AP3B1: variants seen among roughly 807,000 people sequenced by gnomAD.
The protein encoded by AP3B1 is AP-3 complex subunit beta-1.
Under a neutral mutation model 132.5 loss-of-function variants are expected in AP3B1, and 61 were observed. The observed-to-expected ratio is 0.46, with a 90% CI of 0.37 to 0.57. The LOEUF is 0.57. Ranked by LOEUF, AP3B1 falls within the 20% of genes least tolerant of loss-of-function variation. The pLI is 0.00. For missense variants in AP3B1, 1,120 were observed against 1,289.4 expected (o/e 0.87, Z 2.01); for synonymous variants, 388 against 438.3 (o/e 0.89, Z 1.43).
intron 7 of AP3B1, among the ~76,000 whole-genome samples, chr5:78,213,849 A>G (rs1745852203): frequency 6.6e-6 from 1 of 152,240 alleles, no homozygotes; most frequent in Non-Finnish European, 1.5e-5. Context: ...TAAATCTTCT[A>G]TTTAAAGTGG....
At chr5:78,192,803 C>T (rs1744898758) in intron 7 of AP3B1, among the ~76,000 whole-genome samples, 1 of 152,074 alleles carries the variant, frequency 6.6e-6, no homozygotes, top group African/African-American at 2.4e-5. Context: ...GCCTTTTTTC[C>T]ATCATGTGAA....
At chr5:78,104,812 G>A (rs61341156) in intron 20 of AP3B1, among the ~76,000 whole-genome samples, 6,564 of 152,168 alleles carry the variant, frequency 0.043, 469 homozygotes, top group African/African-American at 0.15. Flanking sequence ...GATCGTTAGA[G>A]CACCTAAGAG....
intron 24 of AP3B1, among the ~76,000 whole-genome samples, chr5:78,024,617 T>A (rs1256824938): frequency 1.4e-5 from 2 of 144,050 alleles, no homozygotes; most frequent in African/African-American, 5.2e-5. Flanking sequence ...CAGGCTGGAG[T>A]GCAGTGGTGC....
At chr5:78,281,637 G>A (rs568820938) in intron 1 of AP3B1, among the ~76,000 whole-genome samples, 1 of 152,052 alleles carries the variant, frequency 6.6e-6, no homozygotes, top group Non-Finnish European at 1.5e-5. Flanking sequence ...TACTAAGAAT[G>A]CTAAGAAAAA....
At chr5:78,202,218 C>T (rs988960493) in intron 7 of AP3B1, among the ~76,000 whole-genome samples, 9 of 152,282 alleles carry the variant, frequency 5.9e-5, no homozygotes, top group African/African-American at 9.6e-5. Context: ...TCCCCAGCCA[C>T]GTAGAACTGT....
chr5:78,110,231 T>C lies in AP3B1; in HGVS notation c.2373A>G (p.Glu791=). ...DSESESEPES[E]SESRRVTKEK... ...CCTTAGTGACTCTTCTGGATTCAGA[T>C]TCACTTTCAGGTTCTGACTCTGATT... The change falls in exon 20 of 27, where the codon GAA becomes GAG. Residue 791 remains glutamate, a synonymous_variant. Coordinates refer to ENST00000255194, the MANE Select transcript of AP3B1 (RefSeq NM_003664.5). 6.2e-7 allele frequency: 1 copy of C among 1,607,202 alleles called. No homozygotes were observed. The highest frequency in any genetic ancestry group is 8.5e-7 in the Non-Finnish European group (1 of 1,175,832).
At chr5:78,289,310 AT>A (rs1466195322) in intron 1 of AP3B1, among the ~76,000 whole-genome samples, 2 of 152,190 alleles carry the variant, frequency 1.3e-5, no homozygotes, top group Non-Finnish European at 2.9e-5. Context: ...ATGTAATAGA[AT>A]TTTCATGTTT....
Position 78,041,067 on chromosome 5 carries a change from G to A in AP3B1, c.2578-1793C>T, listed in dbSNP as rs907461188. Among the ~76,000 whole-genome samples, 8 of 152,236 alleles carry A rather than the reference G, an allele frequency of 5.3e-5. No individual in the cohort carries two copies. The South Asian group carries it at 8.3e-4, about 16-fold the overall frequency. ...AGGTGGGTGGATCACCTGAGGTCCG[G>A]AGTCTGAGACCAGCCTGATCAACAT... On this transcript the variant is annotated intron_variant, in intron 22 of 26. Transcript: ENST00000255194.
chr5:78,115,959 A>G, intron 18 of AP3B1, 167 bp downstream of exon 18: 1 of 669,932 alleles, frequency 1.5e-6, no homozygotes, highest in Non-Finnish European at 2.7e-6. Flanking sequence ...AGTAATTAAA[A>G]ATTACTTTGA....
chr5:78,072,817 G>T (rs919509087), intron 22 of AP3B1, among the ~76,000 whole-genome samples: 1 of 141,420 alleles, frequency 7.1e-6, no homozygotes, highest in African/African-American at 2.7e-5. Context: ...CACCTCCCAG[G>T]TTCAGGCAAT....
At chr5:78,175,376 T>C (rs1460486334) in intron 11 of AP3B1, among the ~76,000 whole-genome samples, 1 of 152,230 alleles carries the variant, frequency 6.6e-6, no homozygotes, top group Non-Finnish European at 1.5e-5. Flanking sequence ...GTTATTTATT[T>C]AAATGCCTGT....
At chr5:78,012,227 C>A (rs187768297) in intron 26 of AP3B1, among the ~76,000 whole-genome samples, 1 of 151,444 alleles carries the variant, frequency 6.6e-6, no homozygotes, top group Non-Finnish European at 1.5e-5. Flanking sequence ...TAATATGGAA[C>A]ACTATAGTTA....
chr5:78,159,725 C>A (rs1205160425), intron 13 of AP3B1, among the ~76,000 whole-genome samples: 1 of 152,206 alleles, frequency 6.6e-6, no homozygotes. Flanking sequence ...TTCACAGGTT[C>A]TGGGCATCTT....
intron 13 of AP3B1, among the ~76,000 whole-genome samples, chr5:78,157,764 T>TG (rs1157983721): frequency 6.6e-6 from 1 of 152,064 alleles, no homozygotes; most frequent in Non-Finnish European, 1.5e-5. Context: ...TACTCTTTTT[T>TG]TTTGAGACAG....
chr5:78,230,927 G>A (rs1746621722), intron 3 of AP3B1, among the ~76,000 whole-genome samples: 1 of 151,938 alleles, frequency 6.6e-6, no homozygotes, highest in African/African-American at 2.4e-5. Context: ...AGACCAGTAT[G>A]GCCAACATGG....
chr5:78,222,549 A>G (rs1746224639), intron 6 of AP3B1: 1 of 152,206 alleles, frequency 6.6e-6, no homozygotes, highest in African/African-American at 2.4e-5. Flanking sequence ...TTACTTAATC[A>G]AAGAGGACAG....
At chr5:78,262,617 A>G (rs950779795) in intron 2 of AP3B1, among the ~76,000 whole-genome samples, 10 of 151,388 alleles carry the variant, frequency 6.6e-5, no homozygotes, top group African/African-American at 1.7e-4. Context: ...CAGTACCACA[A>G]TGTCTTCACT....
intron 22 of AP3B1, among the ~76,000 whole-genome samples, chr5:78,068,316 T>G (rs1315668308): frequency 6.8e-6 from 1 of 147,750 alleles, no homozygotes; most frequent in Non-Finnish European, 1.5e-5. Context: ...AGGGCAAAAT[T>G]CCATCTAAAA....
downstream of AP3B1, chr5:78,001,887 AGTAACTTAAG>A (rs1158665896): frequency 2.6e-5 from 4 of 152,232 alleles, no homozygotes; most frequent in African/African-American, 9.6e-5. Context: ...CCTTGAAAAC[AGTAACTTAAG>A]GTAGCAAATA....
Sources: gnomAD v4.1 joint callset for allele counts (sites outside exome capture counted in the v4.1 genomes callset) on GRCh38, gnomAD v4.1.1 for gene constraint, MANE v1.5 for transcripts, NCBI Gene and HGNC (gene_info 2026-07-23, HGNC 2026-07-21) for gene names.